Variants in NR6A1 observed in about 807,000 individuals in gnomAD.
NR6A1 encodes retinoic acid receptor-related testis-associated receptor.
A neutral mutation model predicts 59.1 loss-of-function variants in NR6A1; 7 were observed. That is an observed-to-expected ratio of 0.12 (90% CI 0.07 to 0.22). NR6A1 has a LOEUF of 0.22. Among genes scored for constraint, NR6A1 ranks in the 10% least tolerant of loss-of-function variants. The pLI, the probability that NR6A1 is intolerant of heterozygous loss-of-function variation, is 1.00. For synonymous variants in NR6A1, 243 were observed against 236.1 expected, an observed-to-expected ratio of 1.03 and a Z score of -0.27; for missense variants, 468 against 611.6, an observed-to-expected ratio of 0.77 and a Z score of 2.48.
Position 124,651,114 on chromosome 9 carries a change from G to A in NR6A1, c.142+82194C>T, listed in dbSNP as rs1005169510. 4.6e-5 allele frequency among the ~76,000 whole-genome samples: 7 copies of A among 152,298 alleles called. No homozygotes were observed. In the South Asian group the frequency reaches 1.2e-3, roughly 27 times the overall value. ...TCTGCTGCCCACACTGGAGTGCAGT[G>A]GTTCCATCTCAGCTCACTGCAACCT... On this transcript the variant is annotated intron_variant, in intron 2 of 9. Transcript: ENST00000487099.
chr9:124,620,337 A>G (rs1469136377), intron 2 of NR6A1, among the ~76,000 whole-genome samples: 1 of 152,220 alleles, frequency 6.6e-6, no homozygotes, highest in Non-Finnish European at 1.5e-5. Flanking sequence ...TACTTTTATA[A>G]TTAAAAGATA....
chr9:124,715,915 T>G (rs1839407035), intron 2 of NR6A1, among the ~76,000 whole-genome samples: 1 of 152,180 alleles, frequency 6.6e-6, no homozygotes, highest in African/African-American at 2.4e-5. Context: ...CATCAAAATA[T>G]TCAACAGCTA....
intron 2 of NR6A1, among the ~76,000 whole-genome samples, chr9:124,630,742 G>A (rs958763748): frequency 3.1e-5 from 4 of 127,758 alleles, no homozygotes; most frequent in Non-Finnish European, 6.2e-5. Context: ...GCAATGGCAC[G>A]ATCTCAGCTC....
intron 2 of NR6A1, among the ~76,000 whole-genome samples, chr9:124,711,187 TAAA>T (rs58609931): frequency 2.1e-4 from 14 of 66,496 alleles, no homozygotes; most frequent in African/African-American, 8.8e-4. Flanking sequence ...AGCTAAGGTT[TAAA>T]AAAAAAAAAA....
chr9:124,544,561 GA>G (rs1269757407), intron 3 of NR6A1, among the ~76,000 whole-genome samples: 4 of 152,176 alleles, frequency 2.6e-5, no homozygotes, highest in Non-Finnish European at 5.9e-5. Flanking sequence ...GAAAACTTCT[GA>G]ACTGAGTCTT....
intron 2 of NR6A1, among the ~76,000 whole-genome samples, chr9:124,705,386 T>C (rs781656044): frequency 1.3e-5 from 2 of 152,222 alleles, no homozygotes; most frequent in Non-Finnish European, 2.9e-5. Flanking sequence ...TCCTGTTAGA[T>C]ATATTTTAAT....
chr9:124,585,441 G>A (rs1228430417), intron 2 of NR6A1, among the ~76,000 whole-genome samples: 3 of 151,440 alleles, frequency 2.0e-5, no homozygotes, highest in South Asian at 2.1e-4. Flanking sequence ...CTACTCGGGA[G>A]GCTAAGGCAG....
chr9:124,576,311 C>T (rs968775212), intron 2 of NR6A1, among the ~76,000 whole-genome samples: 20 of 151,898 alleles, frequency 1.3e-4, no homozygotes, highest in African/African-American at 2.2e-4. Flanking sequence ...GTTTCTGAGA[C>T]GGAGTTTCAC....
At chr9:124,728,651 A>AATAC (rs1839797768) in intron 2 of NR6A1, among the ~76,000 whole-genome samples, 1 of 151,582 alleles carries the variant, frequency 6.6e-6, no homozygotes, top group African/African-American at 2.4e-5. Context: ...TAAATAAATA[A>AATAC]ATAAATAAAT....
At chr9:124,600,044 CTTAT>C (rs1303500793) in intron 2 of NR6A1, among the ~76,000 whole-genome samples, 4 of 152,130 alleles carry the variant, frequency 2.6e-5, no homozygotes, top group African/African-American at 2.4e-5. Context: ...TCATTTCTGC[CTTAT>C]TTGTTTTTAA....
chr9:124,654,911 CA>C (rs1837211599), intron 2 of NR6A1, among the ~76,000 whole-genome samples: 14 of 149,936 alleles, frequency 9.3e-5, no homozygotes, highest in Admixed American at 1.3e-4. Context: ...CACACACACA[CA>C]CCTGCCAAAC....
chr9:124,770,876 G>T (rs1023036894), intron 1 of NR6A1, 144 bp downstream of exon 1: 1 of 419,180 alleles, frequency 2.4e-6, no homozygotes, highest in Non-Finnish European at 4.1e-6. Context: ...CGCCAACGGG[G>T]AACGGGGTGA....
intron 2 of NR6A1, among the ~76,000 whole-genome samples, chr9:124,646,279 GA>G (rs1372500959): frequency 1.3e-5 from 2 of 151,788 alleles, no homozygotes; most frequent in African/African-American, 4.8e-5. Context: ...TAAGAACAGG[GA>G]AGCAATAAAG....
chr9:124,648,857 T>C (rs889175970), intron 2 of NR6A1, among the ~76,000 whole-genome samples: 2 of 151,396 alleles, frequency 1.3e-5, no homozygotes, highest in African/African-American at 2.4e-5. Context: ...ACAAAAGCTC[T>C]AAAAAATAAA....
intron 1 of NR6A1, among the ~76,000 whole-genome samples, chr9:124,748,935 C>G (rs1362660671): frequency 6.7e-6 from 1 of 150,298 alleles, no homozygotes. Flanking sequence ...GTACTCAAAA[C>G]AGTACCTAGC....
intron 1 of NR6A1, among the ~76,000 whole-genome samples, chr9:124,746,155 T>G (rs1283502787): frequency 6.6e-6 from 1 of 152,192 alleles, no homozygotes; most frequent in African/African-American, 2.4e-5. Flanking sequence ...TCTTACATAC[T>G]AGTCATGAAT....
rs144231381 is a variant in NR6A1, at chr9:124,732,423, C to T, written c.142+885G>A. ...CTATGTGTCCCAGAATGGTGCACGC[C>T]ACCACATTTAGGAAGAACTGGAAAT... On this transcript the variant is annotated intron_variant, in intron 2 of 9. Transcript: ENST00000487099. Among the ~76,000 whole-genome samples, 159 of 152,288 alleles carry T rather than the reference C, an allele frequency of 1.0e-3. 1 individual carries two copies. In the East Asian group the frequency reaches 0.025, roughly 24 times the overall value.
At chr9:124,692,910 C>T (rs1838608229) in intron 2 of NR6A1, among the ~76,000 whole-genome samples, 1 of 152,076 alleles carries the variant, frequency 6.6e-6, no homozygotes, top group Admixed American at 6.5e-5. Context: ...TCTCCCACAT[C>T]CTCTCAAAAT....
In NR6A1 at chr9:124,714,194, T is replaced by C. The variant is rs560333280; in HGVS notation, c.142+19114A>G. 2.0e-5 allele frequency among the ~76,000 whole-genome samples: 3 copies of C among 152,212 alleles called. No homozygotes were observed. The East Asian group carries it at 5.8e-4, about 29-fold the overall frequency. On this transcript the variant is annotated intron_variant, in intron 2 of 9. Transcript: ENST00000487099. ...AAATGAGGTACCTAGAGTAGACAAA[T>C]TCATAGAGACAAAAAGTAGAATGGT...
Sources: gnomAD v4.1 joint callset for allele counts (sites outside exome capture counted in the v4.1 genomes callset) on GRCh38, gnomAD v4.1.1 for gene constraint, MANE v1.5 for transcripts, NCBI Gene and HGNC (gene_info 2026-07-23, HGNC 2026-07-21) for gene names.